The following RGS6 variants were observed in gnomAD, a reference collection of about 807,000 sequenced individuals.
RGS6 encodes regulator of G-protein signaling 6.
Under a neutral mutation model 78.5 loss-of-function variants are expected in RGS6, and 30 were observed. The observed-to-expected ratio is 0.38, with a 90% CI of 0.29 to 0.52. The LOEUF (loss-of-function observed/expected upper bound fraction) is 0.52, where lower values mean the gene tolerates loss of function less well. RGS6 is among the 20% of genes least tolerant of loss of function. The probability of loss-of-function intolerance (pLI) is 0.85; values close to 1 mark genes in which losing one functional copy is unlikely to be tolerated. For missense variants in RGS6, 495 were observed against 609.7 expected (o/e 0.81, Z 1.98); for synonymous variants, 206 against 206.0 (o/e 1.00, Z 0.00).
intron 2 of RGS6, among the ~76,000 whole-genome samples, chr14:72,348,733 C>G (rs907389916): frequency 1.3e-5 from 2 of 152,170 alleles, no homozygotes; most frequent in African/African-American, 4.8e-5. Context: ...AGAGATACCC[C>G]AATTCTAAGA....
intron 12 of RGS6, among the ~76,000 whole-genome samples, chr14:72,486,042 C>T (rs1204078799): frequency 1.3e-5 from 2 of 152,092 alleles, no homozygotes; most frequent in South Asian, 2.1e-4. Flanking sequence ...TGGTGTTTTC[C>T]CCCATGCTAT....
At chr14:71,895,025 A>G in the RGS6 span, among the ~76,000 whole-genome samples, 1 of 152,080 alleles carries the variant, frequency 6.6e-6, no homozygotes, top group South Asian at 2.1e-4. Context: ...AGGCCTCCCA[A>G]AGTGCTGGGA....
At chr14:72,377,253 A>G (rs565409679) in intron 3 of RGS6, among the ~76,000 whole-genome samples, 18 of 152,348 alleles carry the variant, frequency 1.2e-4, no homozygotes, top group African/African-American at 4.3e-4. Context: ...GAGTAGCTGT[A>G]CTTATATCAG....
intron 4 of RGS6, among the ~76,000 whole-genome samples, chr14:72,456,032 C>A (rs930720606): frequency 6.6e-6 from 1 of 152,060 alleles, no homozygotes; most frequent in Non-Finnish European, 1.5e-5. Flanking sequence ...CCAGCCCTGG[C>A]GTGAGAAGCT....
chr14:71,946,732 G>A (rs947988087), intron 1 of RGS6, among the ~76,000 whole-genome samples: 26 of 152,206 alleles, frequency 1.7e-4, no homozygotes, highest in African/African-American at 6.3e-4. Context: ...TGTACTTGGG[G>A]CATTTCAATG....
intron 2 of RGS6, among the ~76,000 whole-genome samples, chr14:72,130,935 CTG>C (rs1340242870): frequency 6.6e-6 from 1 of 152,224 alleles, no homozygotes; most frequent in Non-Finnish European, 1.5e-5. Context: ...GAGTTGGACA[CTG>C]TTTCCCCTTG....
chr14:71,873,854 A>C, the RGS6 span, among the ~76,000 whole-genome samples: 3 of 152,196 alleles, frequency 2.0e-5, no homozygotes, highest in African/African-American at 4.8e-5. Context: ...TCAGCTTTCT[A>C]CATATGGCTA....
intron 1 of RGS6, among the ~76,000 whole-genome samples, chr14:71,952,924 G>A (rs1050745626): frequency 2.0e-5 from 3 of 152,152 alleles, no homozygotes; most frequent in African/African-American, 7.2e-5. Flanking sequence ...CTGGGAACAT[G>A]TCATCCTCTT....
chr14:72,011,276 C>T (rs1474672427), intron 2 of RGS6, among the ~76,000 whole-genome samples: 1 of 152,180 alleles, frequency 6.6e-6, no homozygotes, highest in Non-Finnish European at 1.5e-5. Flanking sequence ...GAATCATCTA[C>T]CTTTGTTTCA....
chr14:72,255,090 G>A (rs181417620), intron 2 of RGS6, among the ~76,000 whole-genome samples: 12 of 152,314 alleles, frequency 7.9e-5, no homozygotes, highest in African/African-American at 2.9e-4. Flanking sequence ...TGAGGCATGA[G>A]GCAGAGGGAG....
At chr14:71,897,348 C>T in the RGS6 span, among the ~76,000 whole-genome samples, 1 of 152,088 alleles carries the variant, frequency 6.6e-6, no homozygotes, top group South Asian at 2.1e-4. Context: ...TGATTTCCTC[C>T]TCTGTAGTAT....
intron 2 of RGS6, among the ~76,000 whole-genome samples, chr14:72,225,682 C>T (rs962095203): frequency 3.3e-5 from 5 of 152,074 alleles, no homozygotes; most frequent in Admixed American, 1.3e-4. Flanking sequence ...AATACCACCA[C>T]CAAAGATACC....
At chr14:71,982,877 T>G (rs1362434207) in intron 2 of RGS6, among the ~76,000 whole-genome samples, 1 of 152,192 alleles carries the variant, frequency 6.6e-6, no homozygotes, top group African/African-American at 2.4e-5. Context: ...CTGAAACATC[T>G]AGTTAGCCAT....
chr14:71,935,225 T>G (rs1402509625), intron 1 of RGS6, among the ~76,000 whole-genome samples: 1 of 152,180 alleles, frequency 6.6e-6, no homozygotes, highest in Non-Finnish European at 1.5e-5. Flanking sequence ...CAAAAAACAA[T>G]TTTAACTTTT....
At chr14:72,530,442 CT>C (rs2097168111) in intron 15 of RGS6, among the ~76,000 whole-genome samples, 1 of 152,158 alleles carries the variant, frequency 6.6e-6, no homozygotes, top group African/African-American at 2.4e-5. Flanking sequence ...AATCCCAGCA[CT>C]TTGGGAGGCC....
intron 2 of RGS6, among the ~76,000 whole-genome samples, chr14:72,332,338 G>A (rs2075236245): frequency 6.6e-6 from 1 of 152,242 alleles, no homozygotes; most frequent in African/African-American, 2.4e-5. Flanking sequence ...TGCTGTGAAT[G>A]CCAGGATTAT....
chr14:72,250,181 G>A (rs539625777), intron 2 of RGS6, among the ~76,000 whole-genome samples: 1 of 151,572 alleles, frequency 6.6e-6, no homozygotes, highest in East Asian at 1.9e-4. Context: ...CATGACACAT[G>A]TATACATATG....
intron 2 of RGS6, among the ~76,000 whole-genome samples, chr14:72,258,835 G>T (rs986715525): frequency 6.6e-6 from 1 of 152,174 alleles, no homozygotes; most frequent in South Asian, 2.1e-4. Context: ...GGATAAAAGC[G>T]GGGAAAGGGT....
chr14:72,542,353 T>C (rs1033403422), intron 17 of RGS6, among the ~76,000 whole-genome samples: 3 of 152,232 alleles, frequency 2.0e-5, no homozygotes, highest in African/African-American at 7.2e-5. Context: ...CCCAGTGGTC[T>C]CATCAAACAG....
Sources: allele counts gnomAD v4.1 joint callset (sites outside exome capture counted in the v4.1 genomes callset), GRCh38; gene constraint gnomAD v4.1.1; transcripts MANE v1.5; gene names NCBI Gene and HGNC (gene_info 2026-07-23, HGNC 2026-07-21).